Variants in CNTNAP3B observed in about 807,000 individuals in gnomAD.
CNTNAP3B encodes the protein contactin associated protein family member 3B.
A neutral mutation model predicts 108.9 loss-of-function variants in CNTNAP3B; 25 were observed. That is an observed-to-expected ratio of 0.23 (90% CI 0.17 to 0.32). CNTNAP3B has a LOEUF of 0.32. CNTNAP3B is among the 10% of genes least tolerant of loss of function. The probability of loss-of-function intolerance (pLI) is 1.00; values close to 1 mark genes in which losing one functional copy is unlikely to be tolerated. For missense variants in CNTNAP3B, 252 were observed against 1,210.4 expected (o/e 0.21, Z 11.75); for synonymous variants, 103 against 473.4 (o/e 0.22, Z 10.16).
intron 15 of CNTNAP3B, among the ~76,000 whole-genome samples, chr9:41,924,503 C>G (rs1440466011): frequency 1.3e-5 from 2 of 152,304 alleles, no homozygotes; most frequent in South Asian, 2.1e-4. Context: ...GGAAATAATT[C>G]TAAAGAAGCA....
chr9:41,948,280 C>T (rs1187677815), intron 13 of CNTNAP3B, among the ~76,000 whole-genome samples: 11 of 151,152 alleles, frequency 7.3e-5, no homozygotes, highest in Middle Eastern at 6.9e-3. Context: ...TTAGTGGAGA[C>T]GGGGTTTCAC....
intron 18 of CNTNAP3B, among the ~76,000 whole-genome samples, chr9:41,918,033 T>A (rs1205442036): frequency 6.6e-6 from 1 of 152,308 alleles, no homozygotes; most frequent in Non-Finnish European, 1.5e-5. Context: ...AGACTTTCAA[T>A]AGTTGTTTTT....
chr9:42,112,920 AT>A (rs1376240489), intron 1 of CNTNAP3B, among the ~76,000 whole-genome samples: 1 of 127,014 alleles, frequency 7.9e-6, no homozygotes. Context: ...CCCAGGCTAA[AT>A]TTTTTTTGTA....
chr9:41,969,817 G>T (rs1825389399), intron 10 of CNTNAP3B, among the ~76,000 whole-genome samples: 1 of 116,036 alleles, frequency 8.6e-6, no homozygotes, highest in African/African-American at 3.4e-5. Flanking sequence ...GTAGAGACGG[G>T]GTTTCACCAT....
At chr9:42,060,027 G>C (rs1248441574) in intron 3 of CNTNAP3B, among the ~76,000 whole-genome samples, 1 of 150,826 alleles carries the variant, frequency 6.6e-6, no homozygotes, top group Non-Finnish European at 1.5e-5. Flanking sequence ...TCTTTTTCTT[G>C]TCTAATTGTT....
In CNTNAP3B at chr9:42,064,716, T is replaced by C. The variant is rs903894141; in HGVS notation, c.390+12153A>G. Among the ~76,000 whole-genome samples the C allele has an allele frequency of 5.2e-5, 7 of 134,024 alleles. 1 individual carries two copies. The highest frequency in any genetic ancestry group is 7.9e-5 in the Non-Finnish European group (5 of 63,620). The allele number at this position is 134,024 out of a possible 152,430, so 87.9% of individuals were successfully genotyped here. ...TGCAAACATGCAGTATTTGATTTTCTGTTCCTATGTTAATTCACTTGGGAT... is the reference window on the plus strand; with the variant it reads ...TGCAAACATGCAGTATTTGATTTTCCGTTCCTATGTTAATTCACTTGGGAT... On this transcript the variant is annotated intron_variant, in intron 3 of 23. Transcript: ENST00000377561.
In CNTNAP3B at chr9:42,086,469, G is replaced by A. The variant is rs1303984811; in HGVS notation, c.197-9407C>T. Among the ~76,000 whole-genome samples, 8 of 138,154 alleles carry A rather than the reference G, an allele frequency of 5.8e-5. No individual in the cohort carries two copies. In the East Asian group the frequency reaches 1.7e-3, roughly 29 times the overall value. The allele number at this position is 138,154 out of a possible 152,430, so 90.6% of individuals were successfully genotyped here. A position where few individuals can be genotyped will look rare whatever the true frequency, so the allele number is the denominator to read the frequency against. On this transcript the variant is annotated intron_variant, in intron 2 of 23. Coordinates refer to ENST00000377561, the MANE Select transcript of CNTNAP3B (RefSeq NM_001201380.3). Reference sequence around the variant, plus strand: ...CATTTTTTTTTACATTTTACAACAGGCGGAGTCTCGCTCTGTTGCCCAGGC... The same window carrying A: ...CATTTTTTTTTACATTTTACAACAGACGGAGTCTCGCTCTGTTGCCCAGGC...
rs200598648 is a variant in CNTNAP3B, at chr9:42,003,399, GAA to G, written c.539-4797_539-4796del. ...GTGCAAACACTGATGTCTTACAAAAGAAAAAAAAAAAAACACGATTCCACAGA... is the reference window on the plus strand; with the variant it reads ...GTGCAAACACTGATGTCTTACAAAAGAAAAAAAAAAACACGATTCCACAGA... On this transcript the variant is annotated intron_variant, in intron 4 of 23. Coordinates refer to ENST00000377561, the MANE Select transcript of CNTNAP3B (RefSeq NM_001201380.3). Among the ~76,000 whole-genome samples, 58 of 58,954 alleles carry G rather than the reference GAA, an allele frequency of 9.8e-4. 2 individuals carry two copies. Among genetic ancestry groups the G allele is most frequent in the Non-Finnish European group, 1.4e-3 (34 of 24,842 alleles). 38.7% of individuals were successfully genotyped at this position (58,954 alleles called of 152,430 possible).
chr9:41,990,811 T>C (rs1369820226), intron 8 of CNTNAP3B, among the ~76,000 whole-genome samples: 1 of 137,932 alleles, frequency 7.2e-6, no homozygotes, highest in South Asian at 2.3e-4. Flanking sequence ...TCTGACTGCA[T>C]GTGAGATTAG....
chr9:41,973,085 G>A lies in CNTNAP3B; in HGVS notation c.1478-2840C>T, dbSNP rs374820009. On this transcript the variant is annotated intron_variant, in intron 9 of 23. Coordinates refer to ENST00000377561, the MANE Select transcript of CNTNAP3B (RefSeq NM_001201380.3). Reference sequence around the variant, plus strand: ...CCCGAGTGGCTGGGACTACAGACACGCACCACCATGCCCTGCTAATTTTTT... The same window carrying A: ...CCCGAGTGGCTGGGACTACAGACACACACCACCATGCCCTGCTAATTTTTT... Among the ~76,000 whole-genome samples the A allele has an allele frequency of 1.9e-3, 260 of 139,490 alleles. 7 individuals carry two copies. In the East Asian group the frequency reaches 0.027, roughly 15 times the overall value. The allele number at this position is 139,490 out of a possible 152,430, so 91.5% of individuals were successfully genotyped here.
At chr9:42,059,698 TCCTC>T in intron 3 of CNTNAP3B, among the ~76,000 whole-genome samples, 1 of 51,000 alleles carries the variant, frequency 2.0e-5, no homozygotes, top group Non-Finnish European at 4.5e-5. Flanking sequence ...GCTCAAGTGA[TCCTC>T]CCACCTCAGC....
At chr9:41,955,788 T>A in intron 12 of CNTNAP3B, among the ~76,000 whole-genome samples, 1 of 152,306 alleles carries the variant, frequency 6.6e-6, no homozygotes, top group Non-Finnish European at 1.5e-5. Flanking sequence ...GTTGCTCAAA[T>A]AAATATCCAA....
chr9:41,947,819 A>G (rs1824569024), intron 13 of CNTNAP3B, among the ~76,000 whole-genome samples: 1 of 152,252 alleles, frequency 6.6e-6, no homozygotes, highest in Non-Finnish European at 1.5e-5. Context: ...AACTATGAAT[A>G]TGAGAAATTT....
intron 14 of CNTNAP3B, among the ~76,000 whole-genome samples, chr9:41,933,543 A>G (rs1181516525): frequency 6.6e-6 from 1 of 152,294 alleles, no homozygotes; most frequent in Non-Finnish European, 1.5e-5. Context: ...TTGCAAATAA[A>G]ATTTTTCTAG....
At chr9:41,948,741 A>C (rs866028374) in intron 13 of CNTNAP3B, among the ~76,000 whole-genome samples, 13,896 of 130,352 alleles carry the variant, frequency 0.11, 313 homozygotes, top group South Asian at 0.15. Context: ...TTGACACAGA[A>C]AAGACATTTG....
chr9:41,999,540 CACACACAT>C (rs1047197051), intron 4 of CNTNAP3B, among the ~76,000 whole-genome samples: 1 of 123,466 alleles, frequency 8.1e-6, no homozygotes, highest in South Asian at 2.7e-4. Context: ...TCTACACACA[CACACACAT>C]ACACACACAC....
In CNTNAP3B at chr9:42,015,537, C is replaced by T. The variant is rs543153627; in HGVS notation, c.391-2012G>A. On this transcript the variant is annotated intron_variant, in intron 3 of 23. Transcript: ENST00000377561. ...AACCCTGCTACTCTGCTGCAAGCTG[C>T]GGTTTCTTCATCTGTAAAACTGATC... Among the ~76,000 whole-genome samples, 19 of 92,894 alleles carry T rather than the reference C, an allele frequency of 2.0e-4. 8 individuals are homozygous for T. The East Asian group carries it at 8.2e-3, about 40-fold the overall frequency. The allele number at this position is 92,894 out of a possible 152,430, so 60.9% of individuals were successfully genotyped here. A position where few individuals can be genotyped will look rare whatever the true frequency, so the allele number is the denominator to read the frequency against.
intron 3 of CNTNAP3B, among the ~76,000 whole-genome samples, chr9:42,069,272 C>A (rs1252476658): frequency 7.5e-6 from 1 of 132,802 alleles, no homozygotes; most frequent in Non-Finnish European, 1.6e-5. Context: ...ACTAATATAG[C>A]CCATTGACTA....
intron 13 of CNTNAP3B, among the ~76,000 whole-genome samples, chr9:41,941,851 C>A (rs1824355110): frequency 6.6e-6 from 1 of 151,670 alleles, no homozygotes; most frequent in African/African-American, 2.4e-5. Flanking sequence ...GGTCAACACA[C>A]CTTCAAGAGT....
Sources: gnomAD v4.1 joint callset for allele counts (sites outside exome capture counted in the v4.1 genomes callset) on GRCh38, gnomAD v4.1.1 for gene constraint, MANE v1.5 for transcripts, NCBI Gene and HGNC (gene_info 2026-07-23, HGNC 2026-07-21) for gene names.